Variants in MYO16 observed in about 807,000 individuals in gnomAD.
The protein encoded by MYO16 is unconventional myosin-XVI.
Under a neutral mutation model 205.3 loss-of-function variants are expected in MYO16, and 94 were observed. That is an observed-to-expected ratio of 0.46 (90% CI 0.39 to 0.54). The LOEUF (loss-of-function observed/expected upper bound fraction) is 0.54, where lower values mean the gene tolerates loss of function less well. Ranked by LOEUF, MYO16 falls within the 20% of genes least tolerant of loss-of-function variation. MYO16 has a pLI of 0.00. For missense variants in MYO16, 2,315 were observed against 2,387.5 expected (o/e 0.97, Z 0.63); for synonymous variants, 988 against 954.0 (o/e 1.04, Z -0.66).
chr13:108,497,799 C>T, the MYO16 span, among the ~76,000 whole-genome samples: 1 of 152,302 alleles, frequency 6.6e-6, no homozygotes, highest in Non-Finnish European at 1.5e-5. Context: ...TGCTGCTGTG[C>T]TGGGTCATGA....
At chr13:108,527,843 T>C in the MYO16 span, among the ~76,000 whole-genome samples, 4 of 152,236 alleles carry the variant, frequency 2.6e-5, no homozygotes, top group Non-Finnish European at 5.9e-5. Flanking sequence ...CAATTGGCCT[T>C]TCTAACATTT....
chr13:108,822,394 C>T (rs1876025864), intron 8 of MYO16, among the ~76,000 whole-genome samples: 1 of 152,116 alleles, frequency 6.6e-6, no homozygotes, highest in East Asian at 1.9e-4. Context: ...TAGGTGGTCA[C>T]ACAGTCTGGT....
At chr13:109,122,549 A>G (rs537980961) in intron 29 of MYO16, among the ~76,000 whole-genome samples, 1 of 152,022 alleles carries the variant, frequency 6.6e-6, no homozygotes, top group Non-Finnish European at 1.5e-5. Flanking sequence ...ATGGTAGCGC[A>G]TGCCTGTAAT....
Position 108,759,622 on chromosome 13 carries a change from C to T in MYO16, c.508-26013C>T, listed in dbSNP as rs925390268. ...GGATCACGAGGTCAGGAGATTGAGACCATCCTGGCTAACACGGTGAAACCC... is the reference window on the plus strand; with the variant it reads ...GGATCACGAGGTCAGGAGATTGAGATCATCCTGGCTAACACGGTGAAACCC... On this transcript the variant is annotated intron_variant, in intron 4 of 34. Transcript: ENST00000457511. Among the ~76,000 whole-genome samples, 6 of 152,036 alleles carry T rather than the reference C, an allele frequency of 3.9e-5. No individual in the cohort carries two copies. In the South Asian group the frequency reaches 6.2e-4, roughly 16 times the overall value.
chr13:108,761,016 T>G (rs1386198295), intron 4 of MYO16, among the ~76,000 whole-genome samples: 1 of 152,246 alleles, frequency 6.6e-6, no homozygotes, highest in African/African-American at 2.4e-5. Context: ...CATTCTTTTT[T>G]GTGGTTGAAT....
chr13:108,775,763 T>C (rs1886104412), intron 4 of MYO16, among the ~76,000 whole-genome samples: 1 of 152,204 alleles, frequency 6.6e-6, no homozygotes, highest in Non-Finnish European at 1.5e-5. Flanking sequence ...TTCTGAGCGG[T>C]GCACACAGTA....
At chr13:108,597,296 C>G (rs1878597831) in intron 1 of MYO16, among the ~76,000 whole-genome samples, 1 of 152,088 alleles carries the variant, frequency 6.6e-6, no homozygotes, top group Non-Finnish European at 1.5e-5. Context: ...TAAGGAAAAC[C>G]TACAATCTCC....
intron 2 of MYO16, among the ~76,000 whole-genome samples, chr13:108,705,294 T>C (rs990662766): frequency 6.6e-6 from 1 of 152,298 alleles, no homozygotes; most frequent in African/African-American, 2.4e-5. Context: ...GACATCATCA[T>C]GGCTCAGTGA....
the MYO16 span, among the ~76,000 whole-genome samples, chr13:108,534,760 C>G: frequency 6.6e-6 from 1 of 151,614 alleles, no homozygotes; most frequent in Non-Finnish European, 1.5e-5. Flanking sequence ...TCCTCCTCCT[C>G]CTCTTCTTCC....
chr13:108,507,129 T>A, the MYO16 span, among the ~76,000 whole-genome samples: 29 of 152,142 alleles, frequency 1.9e-4, no homozygotes, highest in Admixed American at 1.9e-3. Flanking sequence ...TAGCCATGTA[T>A]CCTTGACTTA....
At chr13:108,568,898 T>TA in the MYO16 span, among the ~76,000 whole-genome samples, 1 of 152,098 alleles carries the variant, frequency 6.6e-6, no homozygotes, top group Non-Finnish European at 1.5e-5. Flanking sequence ...TACATATGGG[T>TA]ACCCAGTTGT....
chr13:108,771,946 T>C (rs555240377), intron 4 of MYO16, among the ~76,000 whole-genome samples: 1 of 152,338 alleles, frequency 6.6e-6, no homozygotes, highest in Non-Finnish European at 1.5e-5. Context: ...TAAATAAAGC[T>C]GACACAGACA....
At chr13:108,680,863 AT>A (rs1239286176) in intron 2 of MYO16, among the ~76,000 whole-genome samples, 1 of 152,114 alleles carries the variant, frequency 6.6e-6, no homozygotes, top group African/African-American at 2.4e-5. Context: ...TGTAGCTTAT[AT>A]TTTGCATTTG....
chr13:108,763,577 GA>G (rs1165840676), intron 4 of MYO16, among the ~76,000 whole-genome samples: 1 of 152,204 alleles, frequency 6.6e-6, no homozygotes, highest in East Asian at 1.9e-4. Context: ...AGATGTTAAA[GA>G]AGATGGAGGG....
intron 1 of MYO16, among the ~76,000 whole-genome samples, chr13:108,630,490 G>A (rs529524781): frequency 3.9e-5 from 6 of 152,132 alleles, no homozygotes; most frequent in Non-Finnish European, 5.9e-5. Flanking sequence ...GGTTTCTTTA[G>A]CGTCTGAAAT....
At chr13:108,523,205 T>A in the MYO16 span, among the ~76,000 whole-genome samples, 1 of 151,924 alleles carries the variant, frequency 6.6e-6, no homozygotes, top group African/African-American at 2.4e-5. Flanking sequence ...ATCTTGAGAG[T>A]TGAAGAGCAT....
chr13:109,182,514 C>T (rs1039094226), intron 34 of MYO16, among the ~76,000 whole-genome samples: 2 of 152,142 alleles, frequency 1.3e-5, no homozygotes, highest in African/African-American at 2.4e-5. Flanking sequence ...ACCTTTTTGT[C>T]GAAGTTCATG....
intron 12 of MYO16, among the ~76,000 whole-genome samples, chr13:108,872,318 C>T (rs1183685455): frequency 2.0e-5 from 3 of 151,962 alleles, no homozygotes; most frequent in Non-Finnish European, 2.9e-5. Flanking sequence ...ATTAGCCAAA[C>T]TTTAACATAA....
intron 4 of MYO16, among the ~76,000 whole-genome samples, chr13:108,750,905 G>A (rs1885215762): frequency 6.6e-6 from 1 of 152,156 alleles, no homozygotes; most frequent in Admixed American, 6.5e-5. Context: ...TGATGCAGTG[G>A]GAATTTGCAA....
Sources: gnomAD v4.1 joint callset for allele counts (sites outside exome capture counted in the v4.1 genomes callset) on GRCh38, gnomAD v4.1.1 for gene constraint, MANE v1.5 for transcripts, NCBI Gene and HGNC (gene_info 2026-07-23, HGNC 2026-07-21) for gene names.